LINGO2: variants seen among roughly 807,000 people sequenced by gnomAD.
LINGO2 encodes the protein leucine-rich repeat and immunoglobulin-like domain-containing nogo receptor-interacting protein 2.
A neutral mutation model predicts 30.6 loss-of-function variants in LINGO2; 14 were observed. The ratio of observed to expected loss-of-function variants is 0.46; its 90% CI spans 0.30 to 0.72. The LOEUF is 0.72. Among genes scored for constraint, LINGO2 ranks in the 30% least tolerant of loss-of-function variants. The pLI is 0.07. For missense variants in LINGO2, 729 were observed against 751.7 expected, an observed-to-expected ratio of 0.97 and a Z score of 0.35; for synonymous variants, 317 against 288.5, an observed-to-expected ratio of 1.10 and a Z score of -1.00.
At chr9:27,942,721 T>G in the LINGO2 span, 1 of 151,854 alleles carries the variant, frequency 6.6e-6, no homozygotes, top group Non-Finnish European at 1.5e-5. Flanking sequence ...ACACATTCTG[T>G]CTCTTTTTCT....
the LINGO2 span, among the ~76,000 whole-genome samples, chr9:29,050,479 A>G: frequency 6.6e-6 from 1 of 152,250 alleles, no homozygotes; most frequent in Non-Finnish European, 1.5e-5. Context: ...TTTTATGTGA[A>G]GTGAAATTTG....
At chr9:28,601,576 G>C (rs1381830501) in intron 1 of LINGO2, among the ~76,000 whole-genome samples, 1 of 151,952 alleles carries the variant, frequency 6.6e-6, no homozygotes, top group African/African-American at 2.4e-5. Flanking sequence ...GGCACAATTA[G>C]CATCTTATTA....
chr9:27,965,886 C>T (rs995016430), intron 5 of LINGO2, among the ~76,000 whole-genome samples: 3 of 152,046 alleles, frequency 2.0e-5, no homozygotes, highest in Admixed American at 6.6e-5. Flanking sequence ...TGACCCTAAT[C>T]TATAAGGCAG....
chr9:28,976,497 T>G, the LINGO2 span, among the ~76,000 whole-genome samples: 2 of 152,110 alleles, frequency 1.3e-5, no homozygotes, highest in Non-Finnish European at 2.9e-5. Flanking sequence ...ACATTCAACA[T>G]TGCACAATAA....
chr9:28,630,420 A>T (rs1826883899), intron 1 of LINGO2, among the ~76,000 whole-genome samples: 1 of 152,088 alleles, frequency 6.6e-6, no homozygotes, highest in Admixed American at 6.6e-5. Flanking sequence ...CAAGAAATTG[A>T]TCAGTTTAAG....
At chr9:28,738,078 A>G in the LINGO2 span, among the ~76,000 whole-genome samples, 1 of 152,134 alleles carries the variant, frequency 6.6e-6, no homozygotes, top group Non-Finnish European at 1.5e-5. Context: ...GCATTAACTC[A>G]TATTGTGAGA....
At chr9:28,757,310 C>T in the LINGO2 span, among the ~76,000 whole-genome samples, 1 of 151,874 alleles carries the variant, frequency 6.6e-6, no homozygotes, top group Non-Finnish European at 1.5e-5. Context: ...ATTTTCAGAA[C>T]CTCTCATTGA....
At chr9:28,901,822 T>G in the LINGO2 span, among the ~76,000 whole-genome samples, 1 of 151,988 alleles carries the variant, frequency 6.6e-6, no homozygotes, top group East Asian at 1.9e-4. Context: ...AGAAAACAAT[T>G]ATTAAAATGG....
At chr9:27,952,196 C>T (rs1479249775) in intron 5 of LINGO2, among the ~76,000 whole-genome samples, 1 of 151,940 alleles carries the variant, frequency 6.6e-6, no homozygotes, top group African/African-American at 2.4e-5. Context: ...ATTTTCTTGT[C>T]TACACAAACC....
At chr9:29,004,582 T>C in the LINGO2 span, among the ~76,000 whole-genome samples, 2 of 151,992 alleles carry the variant, frequency 1.3e-5, no homozygotes, top group Non-Finnish European at 2.9e-5. Context: ...CTATATACTC[T>C]GTCAGATAGG....
At chr9:28,006,920 A>T (rs1216375572) in intron 5 of LINGO2, among the ~76,000 whole-genome samples, 1 of 80,178 alleles carries the variant, frequency 1.2e-5, no homozygotes, top group African/African-American at 3.1e-5. Flanking sequence ...AGCTAGTCTA[A>T]TTCATTTTAT....
At chr9:28,963,039 T>C in the LINGO2 span, among the ~76,000 whole-genome samples, 1 of 151,982 alleles carries the variant, frequency 6.6e-6, no homozygotes, top group Non-Finnish European at 1.5e-5. Flanking sequence ...TAAGATACAA[T>C]GTTCTGCATT....
At chr9:28,876,155 AT>A in the LINGO2 span, among the ~76,000 whole-genome samples, 2 of 152,052 alleles carry the variant, frequency 1.3e-5, no homozygotes, top group African/African-American at 4.8e-5. Flanking sequence ...CTGCACAGTG[AT>A]TTGCGATTTT....
At chr9:28,490,417 T>A (rs140250132) in intron 1 of LINGO2, among the ~76,000 whole-genome samples, 1 of 152,260 alleles carries the variant, frequency 6.6e-6, no homozygotes, top group African/African-American at 2.4e-5. Flanking sequence ...TAAACTTGGG[T>A]GAACTAGGAA....
chr9:29,124,387 G>C, the LINGO2 span, among the ~76,000 whole-genome samples: 2 of 152,196 alleles, frequency 1.3e-5, no homozygotes, highest in East Asian at 3.9e-4. Flanking sequence ...AAAACCAATG[G>C]CAACAAAAGC....
the LINGO2 span, among the ~76,000 whole-genome samples, chr9:28,766,699 C>A: frequency 6.7e-6 from 1 of 149,834 alleles, no homozygotes; most frequent in Non-Finnish European, 1.5e-5. Flanking sequence ...ATGAATGGAT[C>A]AATACACTGT....
chr9:28,505,064 C>T (rs1336379669), intron 1 of LINGO2, among the ~76,000 whole-genome samples: 1 of 151,690 alleles, frequency 6.6e-6, no homozygotes, highest in Non-Finnish European at 1.5e-5. Flanking sequence ...GATTTTGATG[C>T]CATGCTGAAA....
At chr9:28,574,751 A>T (rs1405854453) in intron 1 of LINGO2, among the ~76,000 whole-genome samples, 1 of 152,208 alleles carries the variant, frequency 6.6e-6, no homozygotes, top group Non-Finnish European at 1.5e-5. Flanking sequence ...TCTGAAATCA[A>T]TCTGCACAAG....
the LINGO2 span, among the ~76,000 whole-genome samples, chr9:28,860,664 C>CAT: frequency 2.4e-5 from 3 of 126,144 alleles, no homozygotes; most frequent in African/African-American, 9.7e-5. Flanking sequence ...CATGTATAGT[C>CAT]ATATATATAT....
Sources: gnomAD v4.1 joint callset for allele counts (sites outside exome capture counted in the v4.1 genomes callset) on GRCh38, gnomAD v4.1.1 for gene constraint, MANE v1.5 for transcripts, NCBI Gene and HGNC (gene_info 2026-07-23, HGNC 2026-07-21) for gene names.